AP3D1: variants seen among roughly 807,000 people sequenced by gnomAD.
The protein encoded by AP3D1 is adaptor related protein complex 3 subunit delta 1, also known as AP-3 complex subunit delta-1.
In AP3D1, 51 loss-of-function variants were observed where a neutral mutation model predicts 147.6. The observed-to-expected ratio is 0.35, with a 90% CI of 0.28 to 0.44. The LOEUF is 0.44. AP3D1 is among the 20% of genes least tolerant of loss of function. The pLI is 1.00. For synonymous variants in AP3D1, 760 were observed against 663.0 expected (o/e 1.15, Z -2.25); for missense variants, 1,421 against 1,624.2 (o/e 0.87, Z 2.15).
rs371796422 is a variant in AP3D1 at position 2,113,376 on chromosome 19, G to T, written c.2639C>A (p.Pro880Gln). Residue 880 changes from proline (P) to glutamine (Q), a missense_variant, in exon 23 of 32, where the codon CCG (proline) becomes CAG (glutamine). Pro to Gln is a moderately conservative substitution (Grantham distance 76). Transcript: ENST00000643116. ...GGCGGGGGCGGGGGCGGGGGCAGGC[G>T]GTGGGGTGGTAGACAGCCAGAAGTC... ...DLDFWLSTTP[P>Q]PAPAPAPAPV... 6 of 1,463,588 alleles carry T rather than the reference G, an allele frequency of 4.1e-6. No homozygotes were observed. Among genetic ancestry groups the T allele is most frequent in the Admixed American group, 2.8e-5 (1 of 36,196 alleles). 90.7% of individuals were successfully genotyped at this position (1,463,588 alleles called of 1,614,324 possible).
rs1599496743 is a variant in AP3D1, at chr19:2,147,465, A to G, written c.96+3774T>C. 3.5e-5 allele frequency among the ~76,000 whole-genome samples: 5 copies of G among 144,736 alleles called. No individual in the cohort carries two copies. In the Admixed American group the frequency reaches 3.5e-4, roughly 10 times the overall value. 95.0% of individuals were successfully genotyped at this position (144,736 alleles called of 152,430 possible). ...GTCCGCTGGGGAGGCTGAGGCAGGG[A>G]GAACTGCTTGAACCCAGGAGGCGGA... On this transcript the variant is annotated intron_variant, in intron 1 of 31. Coordinates refer to ENST00000643116, the MANE Select transcript of AP3D1 (RefSeq NM_001261826.3).
At chr19:2,119,400 T>C (rs904071212) in intron 14 of AP3D1, among the ~76,000 whole-genome samples, 1 of 148,956 alleles carries the variant, frequency 6.7e-6, no homozygotes, top group African/African-American at 2.5e-5. Context: ...CTACTAAAAA[T>C]ACAGAAAGTG....
upstream of AP3D1, among the ~76,000 whole-genome samples, chr19:2,151,728 G>T (rs2019523869): frequency 6.6e-6 from 1 of 152,202 alleles, no homozygotes; most frequent in South Asian, 2.1e-4. Flanking sequence ...TCCTGCGCGC[G>T]GCCCCGCCTT....
chr19:2,147,030 C>G (rs1191279388), intron 1 of AP3D1, among the ~76,000 whole-genome samples: 1 of 145,968 alleles, frequency 6.9e-6, no homozygotes, highest in East Asian at 2.0e-4. Flanking sequence ...GAATGACTGA[C>G]GTTATTAAAA....
chr19:2,153,790 T>C (rs1020803031), upstream of AP3D1, among the ~76,000 whole-genome samples: 3 of 152,140 alleles, frequency 2.0e-5, no homozygotes, highest in African/African-American at 7.2e-5. Flanking sequence ...ATAGAATATG[T>C]GTGCGTTAGC....
At chr19:2,150,035 C>T (rs2144576556) in intron 1 of AP3D1, among the ~76,000 whole-genome samples, 1 of 152,262 alleles carries the variant, frequency 6.6e-6, no homozygotes, top group South Asian at 2.1e-4. Flanking sequence ...CAAAAATGAC[C>T]TCATTAAGGT....
chr19:2,125,821 C>A (rs1378784179), intron 9 of AP3D1, among the ~76,000 whole-genome samples: 3 of 146,634 alleles, frequency 2.0e-5, no homozygotes, highest in Non-Finnish European at 3.0e-5. Flanking sequence ...GTCAACTATA[C>A]CTAAGTAAAG....
chr19:2,115,525 C>G lies in AP3D1; in HGVS notation c.2149+13G>C. 1.2e-6 allele frequency: 2 copies of G among 1,612,738 alleles called. No individual in the cohort carries two copies. The highest frequency in any genetic ancestry group is 1.7e-6 in the Non-Finnish European group (2 of 1,179,560). On this transcript the variant is annotated intron_variant, in intron 19 of 31. Coordinates refer to ENST00000643116, the MANE Select transcript of AP3D1 (RefSeq NM_001261826.3). The stretch of plus-strand genomic sequence containing the variant: ...TGTGACAAATGCGGCGCCGACACAC[C>G]GGAGACACTTGCCTGGAACCTTCAA...
At chr19:2,127,094 C>T in intron 9 of AP3D1, 58 bp downstream of exon 9, 1 of 1,591,442 alleles carries the variant, frequency 6.3e-7, no homozygotes, top group African/African-American at 1.3e-5. Flanking sequence ...CTGTCCCCAC[C>T]TGAGACCCCA....
chr19:2,136,475 T>C (rs1358578103), intron 4 of AP3D1, among the ~76,000 whole-genome samples: 2 of 152,234 alleles, frequency 1.3e-5, no homozygotes, highest in South Asian at 2.1e-4. Context: ...AACCCCTCTA[T>C]TGAGAGGCGG....
At chr19:2,163,489 G>A (rs1158202734) in intron 1 of AP3D1, among the ~76,000 whole-genome samples, 4 of 121,606 alleles carry the variant, frequency 3.3e-5, no homozygotes, top group African/African-American at 3.0e-5. Flanking sequence ...ACCGCGCCTG[G>A]CCTTTTTTTT....
Position 2,113,375 on chromosome 19 carries a change from C to A in AP3D1, c.2640G>T (p.Pro880=). The A allele has an allele frequency of 1.1e-6, 1 of 919,276 alleles. No individual in the cohort carries two copies. The highest frequency in any genetic ancestry group is 1.5e-6 in the Non-Finnish European group (1 of 688,900). 56.9% of individuals were successfully genotyped at this position (919,276 alleles called of 1,614,324 possible). A position where few individuals can be genotyped will look rare whatever the true frequency, so the allele number is the denominator to read the frequency against. The change falls in exon 23 of 32, where the codon CCG becomes CCT. Residue 880 remains proline, a synonymous_variant. Transcript: ENST00000643116. ...GGGCGGGGGCGGGGGCGGGGGCAGG[C>A]GGTGGGGTGGTAGACAGCCAGAAGT... ...DLDFWLSTTP[P]PAPAPAPAPV...
intron 1 of AP3D1, among the ~76,000 whole-genome samples, chr19:2,140,406 G>A (rs1370646985): frequency 2.0e-5 from 3 of 151,916 alleles, no homozygotes; most frequent in Admixed American, 6.6e-5. Flanking sequence ...CCTGAAACAG[G>A]AACAGCCCCC....
At chr19:2,132,860 G>C (rs908516884) in intron 4 of AP3D1, among the ~76,000 whole-genome samples, 1 of 152,058 alleles carries the variant, frequency 6.6e-6, no homozygotes, top group Admixed American at 6.5e-5. Context: ...AGGCTGAAAC[G>C]CTCTGTGGGT....
chr19:2,108,732 G>A lies in AP3D1; in HGVS notation c.3507C>T (p.Tyr1169=), dbSNP rs753972117. Residue 1169 remains tyrosine, a synonymous_variant, in exon 31 of 32, where the codon TAC becomes TAT. Transcript: ENST00000643116. ...CATGGTGGCCCTGGATGGAGCGGCT[G>A]TACATGGAGGCGCAGGAGTCCACTC... ...VERVDSCASM[Y]SRSIQGHHVC... is the part of the protein sequence containing the mutation. 1.3e-6 allele frequency: 2 copies of A among 1,582,852 alleles called. No individual in the cohort carries two copies. The highest frequency in any genetic ancestry group is 3.6e-5 in the Admixed American group (2 of 55,872).
chr19:2,147,276 C>T (rs138947355), intron 1 of AP3D1, among the ~76,000 whole-genome samples: 1,431 of 143,074 alleles, frequency 0.01, 23 homozygotes, highest in African/African-American at 0.035. Context: ...ACCTGGGAGG[C>T]GGAGGTTGCG....
chr19:2,133,997 A>T (rs2019015014), intron 4 of AP3D1, among the ~76,000 whole-genome samples: 1 of 151,928 alleles, frequency 6.6e-6, no homozygotes, highest in Admixed American at 6.6e-5. Context: ...AGTTCCAGCT[A>T]CTTGAGAGGC....
At chr19:2,128,467 GC>G (rs764236436) in intron 8 of AP3D1, among the ~76,000 whole-genome samples, 5,978 of 69,858 alleles carry the variant, frequency 0.086, 217 homozygotes, top group African/African-American at 0.18. Flanking sequence ...GAGCCGGCCC[GC>G]CCCCGCCGCT....
chr19:2,111,294 A>G lies in AP3D1; in HGVS notation c.2976T>C (p.Tyr992=). 6.2e-7 allele frequency: 1 copy of G among 1,614,048 alleles called. No homozygotes were observed. Among genetic ancestry groups the G allele is most frequent in the Non-Finnish European group, 8.5e-7 (1 of 1,180,010 alleles). ...AGCGGCTGCCACTCACCATTTTAAC[A>G]TAGGAATTTTCAGCGAGGAGGGAGT... The part of the protein sequence containing the change: ...SSYSLLAENS[Y]VKMTCDIRGS... Residue 992 remains tyrosine (Y), a synonymous_variant, in exon 26 of 32, where the codon TAT becomes TAC. Coordinates refer to ENST00000643116, the MANE Select transcript of AP3D1 (RefSeq NM_001261826.3).
Sources: gnomAD v4.1 joint callset for allele counts (sites outside exome capture counted in the v4.1 genomes callset) on GRCh38, gnomAD v4.1.1 for gene constraint, MANE v1.5 for transcripts, NCBI Gene and HGNC (gene_info 2026-07-23, HGNC 2026-07-21) for gene names.